ACSL1: variants seen among roughly 807,000 people sequenced by gnomAD.
ACSL1 encodes long-chain-fatty-acid--CoA ligase 1.
Under a neutral mutation model 98.4 loss-of-function variants are expected in ACSL1, and 41 were observed. That is an observed-to-expected ratio of 0.42 (90% CI 0.32 to 0.54). The LOEUF (loss-of-function observed/expected upper bound fraction) is 0.54. ACSL1 is among the 20% of genes least tolerant of loss of function. The pLI is 0.13. For missense variants in ACSL1, 734 were observed against 883.1 expected, an observed-to-expected ratio of 0.83 and a Z score of 2.14; for synonymous variants, 316 against 322.7, an observed-to-expected ratio of 0.98 and a Z score of 0.22.
At chr4:184,758,304 A>G (rs1362216094) in intron 18 of ACSL1, 1 of 197,160 alleles carries the variant, frequency 5.1e-6, no homozygotes, top group Admixed American at 5.5e-5. Context: ...CATGCTTGTA[A>G]TCCTAGCACG....
At chr4:184,768,520 C>T in intron 11 of ACSL1, 70 bp from the exon 12 acceptor site, 3 of 1,529,724 alleles carry the variant, frequency 2.0e-6, no homozygotes, top group Non-Finnish European at 2.6e-6. Context: ...TGGACAACAT[C>T]CAACATTTCA....
chr4:184,803,416 G>A lies in ACSL1; in HGVS notation c.99C>T (p.Phe33=), dbSNP rs368853187. 2.2e-4 allele frequency: 357 copies of A among 1,613,938 alleles called. No homozygotes were observed. Among genetic ancestry groups the A allele is most frequent in the Admixed American group, 5.3e-4 (32 of 59,976 alleles). The change falls in exon 2 of 21, where the codon TTC becomes TTT. Residue 33 remains phenylalanine, a synonymous_variant. Coordinates refer to ENST00000281455, the MANE Select transcript of ACSL1 (RefSeq NM_001995.5). The surrounding 1 kb of genome is among the most constrained non-coding windows in gnomAD (Gnocchi z 4.8). Reference sequence around the variant, plus strand: ...AGGTGGTGAGTGCTGCAAAAGCTCCGAAGCCCATAAGCGTGTTGGTCGGAA... The same window carrying A: ...AGGTGGTGAGTGCTGCAAAAGCTCCAAAGCCCATAAGCGTGTTGGTCGGAA... The part of the protein sequence containing the change: ...RTLPTNTLMG[F]GAFAALTTFW...
At chr4:184,820,350 A>C (rs2150501633) in intron 1 of ACSL1, among the ~76,000 whole-genome samples, 1 of 152,252 alleles carries the variant, frequency 6.6e-6, no homozygotes, top group South Asian at 2.1e-4. Context: ...CAGCCTTACA[A>C]GACCAATGTC....
chr4:184,757,878 A>G lies in ACSL1; in HGVS notation c.1825T>C (p.Cys609Arg), dbSNP rs765467404. ...AATCCTCTCTTTTGGGCCCAGGAACATAATGTCTCAACATCTGGTACCACA... is the reference window on the plus strand; with the variant it reads ...AATCCTCTCTTTTGGGCCCAGGAACGTAATGTCTCAACATCTGGTACCACA... ...AIVVPDVETL[C>R]SWAQKRGFEG... Residue 609 changes from cysteine (C) to arginine (R), a missense_variant, in exon 19 of 21, where the codon TGT becomes CGT. Coordinates refer to ENST00000281455, the MANE Select transcript of ACSL1 (RefSeq NM_001995.5). The surrounding 1 kb of genome is among the most constrained non-coding windows in gnomAD (Gnocchi z 4.5). 3.3e-5 allele frequency: 53 copies of G among 1,614,106 alleles called. No homozygotes were observed. The Admixed American group carries it at 4.8e-4, about 15-fold the overall frequency.
intron 1 of ACSL1, chr4:184,821,256 G>C (rs879670715): frequency 2.8e-6 from 1 of 360,214 alleles, no homozygotes; most frequent in Non-Finnish European, 5.6e-6. Context: ...AACTAGCTCC[G>C]GAAGCACTTT....
In ACSL1 at chr4:184,816,740, C is replaced by T. The variant is rs1772670510; in HGVS notation, c.-33+9176G>A. On this transcript the variant is annotated intron_variant, in intron 1 of 20. Coordinates refer to ENST00000281455, the MANE Select transcript of ACSL1 (RefSeq NM_001995.5). The stretch of plus-strand genomic sequence containing the variant: ...CTTAAAAAATTACTTTAAGTTACAT[C>T]CCAACACCCTGTCTCTCAGGTGACA... 3.9e-5 allele frequency among the ~76,000 whole-genome samples: 6 copies of T among 152,220 alleles called. 1 individual carries two copies. The South Asian group carries it at 1.2e-3, about 32-fold the overall frequency.
Position 184,785,603 on chromosome 4 carries a change from G to T in ACSL1, c.311-1612C>A, listed in dbSNP as rs1413142295. On this transcript the variant is annotated intron_variant, in intron 3 of 20. Transcript: ENST00000281455. The stretch of plus-strand genomic sequence containing the variant: ...AGAATAAAAAGATCCTCCTGGGCGG[G>T]GGCGGGGGGGGGGGGGGGAAGGAAG... Among the ~76,000 whole-genome samples, 11 of 9,918 alleles carry T rather than the reference G, an allele frequency of 1.1e-3. 1 individual carries two copies. Among genetic ancestry groups the T allele is most frequent in the Admixed American group, 7.3e-3 (10 of 1,370 alleles). The allele number at this position is 9,918 out of a possible 152,430, so 6.5% of individuals were successfully genotyped here.
At chr4:184,767,529 G>C (rs985167498) in intron 12 of ACSL1, among the ~76,000 whole-genome samples, 1 of 152,128 alleles carries the variant, frequency 6.6e-6, no homozygotes, top group Non-Finnish European at 1.5e-5. Context: ...AATAGGTAAG[G>C]GTTTCTCTTG....
intron 5 of ACSL1, among the ~76,000 whole-genome samples, chr4:184,779,484 T>C (rs1324770232): frequency 6.6e-6 from 1 of 152,168 alleles, no homozygotes. Flanking sequence ...TAACACACTT[T>C]TACACACTGG....
chr4:184,779,846 TA>T (rs1486091011), intron 5 of ACSL1, among the ~76,000 whole-genome samples: 1 of 152,064 alleles, frequency 6.6e-6, no homozygotes, highest in Non-Finnish European at 1.5e-5. Context: ...TAAAGGCGAT[TA>T]AAAGGCCCTG....
chr4:184,770,551 G>A (rs1764338605), intron 10 of ACSL1, 75 bp from the exon 11 acceptor site: 2 of 1,127,948 alleles, frequency 1.8e-6, no homozygotes, highest in Non-Finnish European at 1.3e-6. Context: ...CACCAGGGAC[G>A]GTTGTGGGGT....
In ACSL1 at chr4:184,757,294, G is replaced by T; in HGVS notation, c.1957-29C>A. On this transcript the variant is annotated intron_variant, in intron 20 of 20. Transcript: ENST00000281455. The surrounding 1 kb of genome is among the most constrained non-coding windows in gnomAD (Gnocchi z 4.5). ...CCAATAAACAAGGCAGTTAAAAGAG[G>T]AAAAAGGACACGGGCCACCAGTCTC... The T allele has an allele frequency of 1.3e-6, 2 of 1,575,796 alleles. No homozygotes were observed. Among genetic ancestry groups the T allele is most frequent in the South Asian group, 1.1e-5 (1 of 88,798 alleles).
At chr4:184,777,752 A>C (rs1302991483) in intron 5 of ACSL1, among the ~76,000 whole-genome samples, 2 of 152,026 alleles carry the variant, frequency 1.3e-5, no homozygotes, top group Non-Finnish European at 2.9e-5. Flanking sequence ...GGGAGGGTGT[A>C]ACTGAGATTG....
intron 1 of ACSL1, among the ~76,000 whole-genome samples, chr4:184,809,318 C>G (rs1332900833): frequency 6.6e-6 from 1 of 152,148 alleles, no homozygotes; most frequent in African/African-American, 2.4e-5. Context: ...TCACATTGGT[C>G]ACAAATATCA....
At chr4:184,770,899 A>C (rs972383798) in intron 10 of ACSL1, among the ~76,000 whole-genome samples, 1 of 152,162 alleles carries the variant, frequency 6.6e-6, no homozygotes, top group African/African-American at 2.4e-5. Context: ...CAAGGCAGGC[A>C]GATCACTTGA....
chr4:184,815,047 C>A, intron 1 of ACSL1: 1 of 456,308 alleles, frequency 2.2e-6, no homozygotes, highest in South Asian at 1.5e-5. Context: ...AAGACAAACA[C>A]ACCTGCAAGA....
intron 4 of ACSL1, among the ~76,000 whole-genome samples, chr4:184,782,138 T>C (rs1334959099): frequency 6.6e-6 from 1 of 152,108 alleles, no homozygotes; most frequent in Non-Finnish European, 1.5e-5. Flanking sequence ...ACAGACGAGT[T>C]CAAAAGTCTT....
At chr4:184,808,183 A>G (rs1771668777) in intron 1 of ACSL1, 1 of 488,022 alleles carries the variant, frequency 2.0e-6, no homozygotes, top group Non-Finnish European at 2.7e-6. Context: ...ATAGTGGCTC[A>G]GGGCCAGAGG....
intron 3 of ACSL1, chr4:184,788,399 A>C (rs983634594): frequency 7.6e-6 from 5 of 654,782 alleles, no homozygotes; most frequent in Non-Finnish European, 1.4e-5. Context: ...AGGATGTGAC[A>C]CTCACATATT....
Sources: allele counts gnomAD v4.1 joint callset (sites outside exome capture counted in the v4.1 genomes callset), GRCh38; gene constraint gnomAD v4.1.1; non-coding constraint Gnocchi (gnomAD v3.1); transcripts MANE v1.5; gene names NCBI Gene and HGNC (gene_info 2026-07-23, HGNC 2026-07-21).